ZFP30: variants seen among roughly 807,000 people sequenced by gnomAD.
ZFP30 encodes the protein zinc finger protein 30 homolog.
Under a neutral mutation model 12.3 loss-of-function variants are expected in ZFP30, and 16 were observed. That is an observed-to-expected ratio of 1.30 (90% confidence interval 0.88 to 1.98). ZFP30 has a LOEUF of 1.98. ZFP30 is among the 30% of genes most tolerant of loss of function. The pLI, the probability that ZFP30 is intolerant of heterozygous loss-of-function variation, is 0.00. For synonymous variants in ZFP30, 172 were observed against 201.0 expected (o/e 0.86, Z 1.22); for missense variants, 560 against 611.2 (o/e 0.92, Z 0.88).
intron 5 of ZFP30, among the ~76,000 whole-genome samples, chr19:37,640,534 A>G (rs963558518): frequency 6.6e-6 from 1 of 151,352 alleles, no homozygotes; most frequent in African/African-American, 2.4e-5. Context: ...ATATTAGTCC[A>G]TCTTAGATCA....
In ZFP30 at chr19:37,644,830, A is replaced by G. The variant is rs1460167904; in HGVS notation, c.10-94T>C. 5 of 1,292,872 alleles carry G rather than the reference A, an allele frequency of 3.9e-6. No individual in the cohort carries two copies. The African/African-American group carries it at 7.6e-5, about 20-fold the overall frequency. 80.1% of individuals were successfully genotyped at this position (1,292,872 alleles called of 1,614,324 possible). A position where few individuals can be genotyped will look rare whatever the true frequency, so the allele number is the denominator to read the frequency against. On this transcript the variant is annotated intron_variant, in intron 3 of 5. Coordinates refer to ENST00000684514, the MANE Select transcript of ZFP30 (RefSeq NM_001320669.3). ...TGGGTGTAGTGGCTCAATGCTTATA[A>G]TTCTAGCTTTGGGAGCCTGAAGCAG...
In ZFP30 at chr19:37,631,721, A is replaced by C. The variant is rs1477598918; in HGVS notation, c.*3260T>G. ...AAAAAGACAATAAGCATGAATTGAG[A>C]TGATACTGGGCCAGAATCGTATCTC... On this transcript the variant is annotated 3_prime_UTR_variant, in exon 6 of 6. Coordinates refer to ENST00000684514, the MANE Select transcript of ZFP30 (RefSeq NM_001320669.3). The C allele has an allele frequency of 6.6e-6, 1 of 150,464 alleles. No individual in the cohort carries two copies. The highest frequency in any genetic ancestry group is 2.4e-5 in the African/African-American group (1 of 41,084). 9.3% of individuals were successfully genotyped at this position (150,464 alleles called of 1,614,324 possible).
intron 5 of ZFP30, among the ~76,000 whole-genome samples, chr19:37,637,351 T>C (rs2044350325): frequency 6.6e-6 from 1 of 151,644 alleles, no homozygotes; most frequent in South Asian, 2.1e-4. Flanking sequence ...ATTACAGGCA[T>C]GTGCCACCGC....
chr19:37,632,735 G>C lies in ZFP30; in HGVS notation c.*2246C>G, dbSNP rs1252628069. ...TTACAAAAAAACACCATTTGAATTT[G>C]GACTAGCCACATTTCAGTGCTCAAT... is the stretch of plus-strand genomic sequence containing the variant. On this transcript the variant is annotated 3_prime_UTR_variant, in exon 6 of 6. Coordinates refer to ENST00000684514, the MANE Select transcript of ZFP30 (RefSeq NM_001320669.3). 2 of 152,092 alleles carry C rather than the reference G, an allele frequency of 1.3e-5. No homozygotes were observed. The highest frequency in any genetic ancestry group is 2.9e-5 in the Non-Finnish European group (2 of 68,016). The allele number at this position is 152,092 out of a possible 1,614,324, so 9.4% of individuals were successfully genotyped here. A position where few individuals can be genotyped will look rare whatever the true frequency, so the allele number is the denominator to read the frequency against.
intron 2 of ZFP30, among the ~76,000 whole-genome samples, chr19:37,649,518 A>G (rs2044607012): frequency 1.3e-5 from 2 of 152,066 alleles, no homozygotes; most frequent in African/African-American, 4.8e-5. Context: ...CAAATAAATT[A>G]TCATGCATTC....
At position 37,644,709 on chromosome 19, in the gene ZFP30, C is replaced by T. The variant is rs780585314; in HGVS notation, c.37G>A (p.Val13Ile). The change falls in exon 4 of 6, where the codon GTA (valine) becomes ATA (isoleucine). Residue 13 changes from valine to isoleucine, a missense_variant. Val to Ile is a conservative substitution (Grantham distance 29). Coordinates refer to ENST00000684514, the MANE Select transcript of ZFP30 (RefSeq NM_001320669.3). ...RDLVMFRDVA[V>I]DFSQEEWECL... ...TCCCATTCTTCCTGAGAAAAGTCTA[C>T]AGCCACATCTCTGAACATCACCAAA... The T allele has an allele frequency of 6.3e-5, 101 of 1,613,288 alleles. No individual in the cohort carries two copies. In the South Asian group the frequency reaches 1.0e-3, roughly 16 times the overall value.
intron 3 of ZFP30, 152 bp from the exon 4 acceptor site, chr19:37,644,888 G>T: frequency 2.8e-6 from 2 of 718,252 alleles, no homozygotes; most frequent in Non-Finnish European, 4.3e-6. Flanking sequence ...TTTGAGACCA[G>T]CCTAGACAAC....
Position 37,635,000 on chromosome 19 carries a change from C to A in ZFP30, c.1541G>T (p.Arg514Leu). The change falls in exon 6 of 6, where the codon CGA becomes CTA. Residue 514 changes from arginine (R) to leucine (L), a missense_variant. By Grantham distance (102) the Arg-to-Leu change is moderately radical. Transcript: ENST00000684514. ...TAATTATTAAGTTACATTATGAATT[C>A]GCTGATGGTAAGTAAGATGTGAATG... is the stretch of plus-strand genomic sequence containing the variant. ...RQHSHLTYHQ[R>L]IHNVT 2 of 1,551,018 alleles carry A rather than the reference C, an allele frequency of 1.3e-6. No individual in the cohort carries two copies. The highest frequency in any genetic ancestry group is 1.7e-6 in the Non-Finnish European group (2 of 1,151,620).
chr19:37,638,614 T>C (rs538179996), intron 5 of ZFP30, among the ~76,000 whole-genome samples: 2 of 152,308 alleles, frequency 1.3e-5, no homozygotes, highest in African/African-American at 2.4e-5. Context: ...AGCTAATAAA[T>C]GATGGCATAT....
chr19:37,653,846 AAGCT>A (rs1019538814), intron 2 of ZFP30, among the ~76,000 whole-genome samples: 2 of 152,192 alleles, frequency 1.3e-5, no homozygotes, highest in Admixed American at 1.3e-4. Context: ...GTTGCCCTGA[AAGCT>A]CATAAACAGA....
At chr19:37,649,634 C>A (rs543639639) in intron 2 of ZFP30, among the ~76,000 whole-genome samples, 1 of 152,116 alleles carries the variant, frequency 6.6e-6, no homozygotes, top group East Asian at 1.9e-4. Flanking sequence ...GAGTTCAAGA[C>A]CAGCCTGGCC....
At position 37,634,691 on chromosome 19, in the gene ZFP30, T is replaced by TTA; in HGVS notation, c.*289_*290insTA. On this transcript the variant is annotated 3_prime_UTR_variant, in exon 6 of 6. Coordinates refer to ENST00000684514, the MANE Select transcript of ZFP30 (RefSeq NM_001320669.3). ...TTCCCTAGCAACCTTCGTGTGTATA[T>TTA]ACACAGATGGAAGAATATGGAGATA... 1 of 281,246 alleles carries TTA rather than the reference T, an allele frequency of 3.6e-6. No individual in the cohort carries two copies. Among genetic ancestry groups the TTA allele is most frequent in the South Asian group, 1.2e-4 (1 of 8,550 alleles). The allele number at this position is 281,246 out of a possible 1,614,324, so 17.4% of individuals were successfully genotyped here. A position where few individuals can be genotyped will look rare whatever the true frequency, so the allele number is the denominator to read the frequency against.
chr19:37,635,906 T>G lies in ZFP30; in HGVS notation c.635A>C (p.Lys212Thr). 2 of 1,614,192 alleles carry G rather than the reference T, an allele frequency of 1.2e-6. No individual in the cohort carries two copies. The highest frequency in any genetic ancestry group is 1.7e-6 in the Non-Finnish European group (2 of 1,180,022). Reference sequence around the variant, plus strand: ...TCCACATTTTTTACATTCATAGAGTTTGTCAGAAGTATGAATTCTCTGATG... The same window carrying G: ...TCCACATTTTTTACATTCATAGAGTGTGTCAGAAGTATGAATTCTCTGATG... ...SRHQRIHTSD[K>T]LYECKKCGKI... The change falls in exon 6 of 6, where the codon AAA becomes ACA. Residue 212 changes from lysine (K) to threonine (T), a missense_variant. Lys to Thr is a moderately conservative substitution (Grantham distance 78). Coordinates refer to ENST00000684514, the MANE Select transcript of ZFP30 (RefSeq NM_001320669.3).
intron 2 of ZFP30, 146 bp from the exon 3 acceptor site, chr19:37,648,045 A>C (rs1190271749): frequency 1.7e-6 from 1 of 575,662 alleles, no homozygotes; most frequent in Non-Finnish European, 3.1e-6. Flanking sequence ...TAGTTTAGAC[A>C]AAGATGTCCT....
chr19:37,643,328 G>T lies in ZFP30; in HGVS notation c.172C>A (p.Leu58Ile). ...CAGGGCTCTTTCCCTTGTTCCAATA[G>T]GGTGATCACATCTGGCTTAGAAATA... Reference protein sequence around the residue: ...CSISKPDVITLLEQGKEPWMV... With the variant: ...CSISKPDVITILEQGKEPWMV... Residue 58 changes from leucine (L) to isoleucine (I), a missense_variant, in exon 5 of 6, where the codon CTA becomes ATA. Leu to Ile is a conservative substitution (Grantham distance 5). Transcript: ENST00000684514. The T allele has an allele frequency of 6.2e-7, 1 of 1,608,284 alleles. No individual in the cohort carries two copies. Among genetic ancestry groups the T allele is most frequent in the East Asian group, 2.2e-5 (1 of 44,462 alleles).
At position 37,635,683 on chromosome 19, in the gene ZFP30, A is replaced by G; in HGVS notation, c.858T>C (p.Thr286=). ...GKAFRQYAHL[T]RHQRLNIAEK... Reference sequence around the variant, plus strand: ...CAGCAATGTTCAGTCTCTGATGTCGAGTAAGGTGTGCATACTGCCTAAAGG... The same window carrying G: ...CAGCAATGTTCAGTCTCTGATGTCGGGTAAGGTGTGCATACTGCCTAAAGG... Residue 286 remains threonine (T), a synonymous_variant, in exon 6 of 6, where the codon ACT becomes ACC. Coordinates refer to ENST00000684514, the MANE Select transcript of ZFP30 (RefSeq NM_001320669.3). 1 of 1,614,176 alleles carries G rather than the reference A, an allele frequency of 6.2e-7. No individual in the cohort carries two copies. The highest frequency in any genetic ancestry group is 8.5e-7 in the Non-Finnish European group (1 of 1,180,040).
At chr19:37,656,054 G>A (rs2044750794), upstream of ZFP30, 1 of 152,490 alleles carries the variant, frequency 6.6e-6, no homozygotes, top group African/African-American at 2.4e-5. Flanking sequence ...TCGCGAGCCT[G>A]GACCAAGGCG....
chr19:37,645,049 T>A (rs902138160), intron 3 of ZFP30, among the ~76,000 whole-genome samples: 1 of 151,518 alleles, frequency 6.6e-6, no homozygotes, highest in Admixed American at 6.6e-5. Flanking sequence ...ACTAAAAATA[T>A]AAAAAATTAG....
In ZFP30 at chr19:37,635,431, A is replaced by T. The variant is rs200075060; in HGVS notation, c.1110T>A (p.Thr370=). The change falls in exon 6 of 6, where the codon ACT becomes ACA. Residue 370 remains threonine, a synonymous_variant. Coordinates refer to ENST00000684514, the MANE Select transcript of ZFP30 (RefSeq NM_001320669.3). The part of the protein sequence containing the change: ...GKTFSRGYHL[T]LHQRIHTGEK... ...CACCAGTATGTATTCTCTGATGGAGAGTTAGATGATAGCCACGACTGAAAG... is the reference window on the plus strand; with the variant it reads ...CACCAGTATGTATTCTCTGATGGAGTGTTAGATGATAGCCACGACTGAAAG... 1.2e-6 allele frequency: 2 copies of T among 1,614,128 alleles called. No homozygotes were observed. The highest frequency in any genetic ancestry group is 4.5e-5 in the East Asian group (2 of 44,880).
Sources: gnomAD v4.1 joint callset for allele counts (sites outside exome capture counted in the v4.1 genomes callset) on GRCh38, gnomAD v4.1.1 for gene constraint, MANE v1.5 for transcripts, NCBI Gene and HGNC (gene_info 2026-07-23, HGNC 2026-07-21) for gene names.